Variants in RIMKLB observed in about 807,000 individuals in gnomAD.
The protein encoded by RIMKLB is ribosomal modification protein rimK like family member B.
RIMKLB carries 7 observed loss-of-function variants against 32.0 expected under a neutral mutation model. The ratio of observed to expected loss-of-function variants is 0.22; its 90% CI spans 0.12 to 0.41. RIMKLB has a LOEUF of 0.41. Among genes scored for constraint, RIMKLB ranks in the 10% least tolerant of loss-of-function variants. The pLI, the probability that RIMKLB is intolerant of heterozygous loss-of-function variation, is 1.00. For missense variants in RIMKLB, 289 were observed against 498.7 expected (o/e 0.58, Z 4.00); for synonymous variants, 172 against 185.1 (o/e 0.93, Z 0.57).
intron 1 of RIMKLB, among the ~76,000 whole-genome samples, chr12:8,683,816 C>T (rs1041203327): frequency 4.6e-5 from 7 of 152,066 alleles, no homozygotes; most frequent in African/African-American, 7.2e-5. Flanking sequence ...GGCACGATCT[C>T]GGCTCACTGC....
chr12:8,744,457 T>G (rs767821734), intron 2 of RIMKLB, among the ~76,000 whole-genome samples: 1 of 151,996 alleles, frequency 6.6e-6, no homozygotes, highest in African/African-American at 2.4e-5. Flanking sequence ...AAAAGCTGTT[T>G]CCAGGTTAGC....
At chr12:8,728,763 T>TTG (rs375795748) in intron 2 of RIMKLB, among the ~76,000 whole-genome samples, 32,552 of 149,474 alleles carry the variant, frequency 0.22, 3,661 homozygotes, top group Middle Eastern at 0.27. Context: ...GCTCTGCTAA[T>TTG]TGTGTGTGTG....
In RIMKLB at chr12:8,684,812, G is replaced by A. The variant is rs144578038; in HGVS notation, n.219+2994G>A. On this transcript the variant is annotated intron_variant and non_coding_transcript_variant, in intron 1 of 1. Transcript: ENST00000538758. ...GTTTTTTTGTATGTTTTGTAGAGACGGGGTTTCACCACGTTGTCTAGGCTA... is the reference window on the plus strand; with the variant it reads ...GTTTTTTTGTATGTTTTGTAGAGACAGGGTTTCACCACGTTGTCTAGGCTA... 9.8e-3 allele frequency among the ~76,000 whole-genome samples: 1,493 copies of A among 152,100 alleles called. 22 individuals carry two copies. Among genetic ancestry groups the A allele is most frequent in the African/African-American group, 0.034 (1,419 of 41,468 alleles).
chr12:8,714,200 C>G, intron 2 of RIMKLB, 159 bp downstream of exon 2: 1 of 575,940 alleles, frequency 1.7e-6, no homozygotes, highest in Non-Finnish European at 3.0e-6. Context: ...AATATAAACA[C>G]TAATATTTAT....
At chr12:8,735,233 T>A (rs1946889410) in intron 2 of RIMKLB, among the ~76,000 whole-genome samples, 1 of 152,162 alleles carries the variant, frequency 6.6e-6, no homozygotes, top group Admixed American at 6.5e-5. Context: ...GGCTAAAATT[T>A]TTTTTTTTCT....
intron 1 of RIMKLB, among the ~76,000 whole-genome samples, chr12:8,691,129 AC>A (rs1335913879): frequency 6.6e-6 from 1 of 152,018 alleles, no homozygotes; most frequent in Non-Finnish European, 1.5e-5. Flanking sequence ...TGTCCCAGTT[AC>A]CCAGAAAAGT....
chr12:8,682,096 G>C (rs1242180909), intron 1 of RIMKLB, among the ~76,000 whole-genome samples: 1 of 152,082 alleles, frequency 6.6e-6, no homozygotes, highest in Non-Finnish European at 1.5e-5. Flanking sequence ...CGCACATCTG[G>C]TGTCAAAAGT....
At chr12:8,709,629 C>T (rs1006254463) in intron 1 of RIMKLB, among the ~76,000 whole-genome samples, 5 of 152,338 alleles carry the variant, frequency 3.3e-5, no homozygotes, top group African/African-American at 7.2e-5. Flanking sequence ...GAAGGCTAGC[C>T]GCATGTCCTC....
chr12:8,692,985 CTGA>C (rs1424447171), upstream of RIMKLB, among the ~76,000 whole-genome samples: 1 of 152,202 alleles, frequency 6.6e-6, no homozygotes. Context: ...ATTTTAGGTA[CTGA>C]TGATAACTAT....
In RIMKLB at chr12:8,698,141, C is replaced by G; in HGVS notation, c.-213C>G. ...GGACGCCCGGCCAGCCTGCGGGAGC[C>G]GCAGTCGGCGGAGGAGAAAGGAGGC... On this transcript the variant is annotated 5_prime_UTR_variant, in exon 1 of 6. Transcript: ENST00000535829. The G allele has an allele frequency of 3.5e-6, 1 of 286,700 alleles. No homozygotes were observed. The highest frequency in any genetic ancestry group is 2.4e-5 in the South Asian group (1 of 42,256). 17.8% of individuals were successfully genotyped at this position (286,700 alleles called of 1,614,324 possible).
At chr12:8,712,924 C>A (rs1443222573) in intron 1 of RIMKLB, among the ~76,000 whole-genome samples, 2 of 152,020 alleles carry the variant, frequency 1.3e-5, no homozygotes, top group African/African-American at 4.8e-5. Context: ...TTTTGGTAAA[C>A]ATTAAAAAAA....
At chr12:8,749,618 T>C (rs1029831637) in intron 2 of RIMKLB, among the ~76,000 whole-genome samples, 2 of 152,264 alleles carry the variant, frequency 1.3e-5, no homozygotes, top group Admixed American at 6.5e-5. Context: ...TCTGAACATA[T>C]ATGTTTATGA....
chr12:8,710,500 G>C (rs1297864743), intron 1 of RIMKLB, among the ~76,000 whole-genome samples: 5 of 150,706 alleles, frequency 3.3e-5, no homozygotes, highest in African/African-American at 1.2e-4. Flanking sequence ...TAAAGACAGG[G>C]TTTTGCCATA....
chr12:8,775,745 G>T lies in RIMKLB; in HGVS notation c.*1961G>T. ...ATTGAGTGAAAGGTTGATTGTTGAT[G>T]AATAGAATAGTACCTCTCATCTGTG... On this transcript the variant is annotated 3_prime_UTR_variant, in exon 6 of 6. Transcript: ENST00000535829. The T allele has an allele frequency of 1.0e-6, 1 of 985,220 alleles. No homozygotes were observed. Among genetic ancestry groups the T allele is most frequent in the Non-Finnish European group, 1.2e-6 (1 of 829,434 alleles). The allele number at this position is 985,220 out of a possible 1,614,324, so 61.0% of individuals were successfully genotyped here.
At chr12:8,749,754 C>T (rs779809348) in intron 2 of RIMKLB, 108 bp from the exon 3 acceptor site, 23 of 710,762 alleles carry the variant, frequency 3.2e-5, no homozygotes, top group Non-Finnish European at 5.3e-5. Flanking sequence ...TTAATATTAA[C>T]AAAATAGTAC....
chr12:8,756,333 C>T (rs1477727729), intron 5 of RIMKLB, among the ~76,000 whole-genome samples: 2 of 151,952 alleles, frequency 1.3e-5, no homozygotes, highest in African/African-American at 4.8e-5. Context: ...CCTCCAATAG[C>T]TCCCCAGTTT....
chr12:8,777,678 T>G, downstream of RIMKLB: 1 of 1,288,794 alleles, frequency 7.8e-7, no homozygotes, highest in Non-Finnish European at 1.0e-6. Flanking sequence ...TGATGATGAG[T>G]GAGAAGTATT....
chr12:8,761,282 A>C (rs975230336), intron 5 of RIMKLB, among the ~76,000 whole-genome samples: 9 of 152,092 alleles, frequency 5.9e-5, no homozygotes, highest in African/African-American at 2.2e-4. Flanking sequence ...CAAAAAAAAA[A>C]AAAAAAAAAG....
intron 5 of RIMKLB, among the ~76,000 whole-genome samples, chr12:8,766,683 A>T (rs965029036): frequency 6.6e-6 from 1 of 152,194 alleles, no homozygotes; most frequent in African/African-American, 2.4e-5. Context: ...AGTCACCGGG[A>T]GGAACCCTCT....
Sources: allele counts gnomAD v4.1 joint callset (sites outside exome capture counted in the v4.1 genomes callset), GRCh38; gene constraint gnomAD v4.1.1; transcripts MANE v1.5; gene names NCBI Gene and HGNC (gene_info 2026-07-23, HGNC 2026-07-21).